STYK1: variants seen among roughly 807,000 people sequenced by gnomAD.
STYK1 encodes the protein STY kinase 1, also known as tyrosine-protein kinase STYK1.
STYK1 carries 46 observed loss-of-function variants against 48.1 expected under a neutral mutation model. That is an observed-to-expected ratio of 0.96 (90% confidence interval 0.75 to 1.22). The LOEUF (loss-of-function observed/expected upper bound fraction) is 1.22. Among genes scored for constraint, STYK1 ranks in the 50% most tolerant of loss-of-function variants. The pLI is 0.00. For missense variants in STYK1, 527 were observed against 521.1 expected (o/e 1.01, Z -0.11); for synonymous variants, 188 against 189.0 (o/e 0.99, Z 0.04).
At chr12:10,635,697 C>CAAGT (rs1947478663) in intron 2 of STYK1, among the ~76,000 whole-genome samples, 1 of 152,186 alleles carries the variant, frequency 6.6e-6, no homozygotes, top group African/African-American at 2.4e-5. Context: ...CAGTCTCCTC[C>CAAGT]AAGTAGACTC....
intron 1 of STYK1, among the ~76,000 whole-genome samples, chr12:10,658,254 T>C (rs1392286503): frequency 1.3e-5 from 2 of 152,230 alleles, no homozygotes; most frequent in African/African-American, 2.4e-5. Flanking sequence ...CTGCTTACGA[T>C]TGAATAGATT....
intron 1 of STYK1, among the ~76,000 whole-genome samples, chr12:10,647,659 A>T (rs1565568551): frequency 6.6e-6 from 1 of 152,190 alleles, no homozygotes; most frequent in Admixed American, 6.5e-5. Context: ...GGGAAGGGCC[A>T]GGAGTAAAAT....
At chr12:10,640,666 T>C (rs1333596457) in intron 1 of STYK1, 1 of 152,222 alleles carries the variant, frequency 6.6e-6, no homozygotes, top group African/African-American at 2.4e-5. Flanking sequence ...TCACTGGTAC[T>C]CACCAAATTA....
chr12:10,667,074 T>A (rs1947841287), intron 1 of STYK1, among the ~76,000 whole-genome samples: 1 of 152,178 alleles, frequency 6.6e-6, no homozygotes, highest in Admixed American at 6.5e-5. Context: ...TTAATTTAGA[T>A]CAATATTCTA....
rs1281553972 is a variant in STYK1 at position 10,621,942 on chromosome 12, G to A, written c.998C>T (p.Thr333Ile). Residue 333 changes from threonine (T) to isoleucine (I), a missense_variant, in exon 10 of 11, where the codon ACC becomes ATC. By Grantham distance (89) the Thr-to-Ile change is moderately conservative. Coordinates refer to ENST00000075503, the MANE Select transcript of STYK1 (RefSeq NM_018423.3). ...GAPPYPEVPP[T>I]SILEHLQRRK... ...TCTTTGGAGATGCTCTAGGATGCTG[G>A]TAGGAGGGACTTCAGGATACGGTGG... 3 of 1,613,778 alleles carry A rather than the reference G, an allele frequency of 1.9e-6. No homozygotes were observed. The highest frequency in any genetic ancestry group is 1.7e-5 in the Admixed American group (1 of 60,000).
intron 2 of STYK1, 39 bp from the exon 3 acceptor site, chr12:10,634,725 G>A (rs2120662819): frequency 5.4e-6 from 7 of 1,302,878 alleles, no homozygotes; most frequent in Admixed American, 4.1e-5. Flanking sequence ...TAAAATGAAT[G>A]AAAAAAAATA....
At chr12:10,660,815 C>T (rs1453750087) in intron 1 of STYK1, among the ~76,000 whole-genome samples, 2 of 152,144 alleles carry the variant, frequency 1.3e-5, no homozygotes, top group Admixed American at 6.5e-5. Flanking sequence ...GGAAGTTACC[C>T]TATATGGTCT....
intron 5 of STYK1, among the ~76,000 whole-genome samples, chr12:10,630,088 A>G (rs977756896): frequency 2.3e-4 from 27 of 117,388 alleles, no homozygotes; most frequent in African/African-American, 8.2e-4. Flanking sequence ...AGAGAGAGAG[A>G]GAGAAATATA....
chr12:10,635,476 G>A (rs1350040805), intron 2 of STYK1, among the ~76,000 whole-genome samples: 2 of 152,058 alleles, frequency 1.3e-5, no homozygotes, highest in Non-Finnish European at 2.9e-5. Flanking sequence ...GAGCTTCAAG[G>A]TGCTTCCTCT....
chr12:10,635,376 T>C (rs987967933), intron 2 of STYK1, among the ~76,000 whole-genome samples: 14 of 152,188 alleles, frequency 9.2e-5, no homozygotes, highest in African/African-American at 2.9e-4. Flanking sequence ...GAGTTACACA[T>C]TTGCTTTGTT....
At chr12:10,656,298 A>G (rs1465240835) in intron 1 of STYK1, among the ~76,000 whole-genome samples, 1 of 151,548 alleles carries the variant, frequency 6.6e-6, no homozygotes, top group Non-Finnish European at 1.5e-5. Flanking sequence ...TAAATTGTCC[A>G]GTCTCAGGTA....
chr12:10,647,785 A>G (rs1198088298), intron 1 of STYK1, among the ~76,000 whole-genome samples: 4 of 152,094 alleles, frequency 2.6e-5, no homozygotes, highest in Admixed American at 2.0e-4. Context: ...TGCTTGTGAG[A>G]GTGAATAAGT....
intron 1 of STYK1, among the ~76,000 whole-genome samples, chr12:10,662,199 G>T (rs1008190078): frequency 6.6e-6 from 1 of 151,966 alleles, no homozygotes; most frequent in Non-Finnish European, 1.5e-5. Flanking sequence ...TGAGAACTTC[G>T]TTCCTTTTTG....
In STYK1 at chr12:10,620,310, G is replaced by A; in HGVS notation, c.1103C>T (p.Ala368Val). ...IMKSCWRWRE[A>V]DRPSPRELRL... ...CAGCTCTCTAGGTGAGGGGCGGTCA[G>A]CCTCACGCCAGCGCCAGCAGGACTT... is the stretch of plus-strand genomic sequence containing the variant. The change falls in exon 11 of 11, where the codon GCT (alanine) becomes GTT (valine). Residue 368 changes from alanine to valine, a missense_variant. Transcript: ENST00000075503. 6.2e-7 allele frequency: 1 copy of A among 1,613,610 alleles called. No individual in the cohort carries two copies. Among genetic ancestry groups the A allele is most frequent in the South Asian group, 1.1e-5 (1 of 91,054 alleles).
Position 10,620,119 on chromosome 12 carries a change from A to G in STYK1, c.*25T>C. ...TGATTCCAAGAACATATACTCATGC[A>G]TGAATGTTTCTTGCCCGAGACTCTT... On this transcript the variant is annotated 3_prime_UTR_variant, in exon 11 of 11. Transcript: ENST00000075503. The G allele has an allele frequency of 6.2e-7, 1 of 1,613,496 alleles. No homozygotes were observed. The highest frequency in any genetic ancestry group is 8.5e-7 in the Non-Finnish European group (1 of 1,179,412).
At chr12:10,666,384 A>G (rs768531577) in intron 1 of STYK1, among the ~76,000 whole-genome samples, 3 of 152,236 alleles carry the variant, frequency 2.0e-5, no homozygotes, top group Non-Finnish European at 4.4e-5. Flanking sequence ...GTAGCATAAT[A>G]TGAATATAAC....
chr12:10,621,387 G>A (rs572251024), intron 10 of STYK1, among the ~76,000 whole-genome samples: 27 of 152,150 alleles, frequency 1.8e-4, no homozygotes, highest in African/African-American at 6.5e-4. Flanking sequence ...CTGAGAGTTG[G>A]AAAAACAGGG....
At chr12:10,648,863 A>C (rs1947629481) in intron 1 of STYK1, among the ~76,000 whole-genome samples, 1 of 152,166 alleles carries the variant, frequency 6.6e-6, no homozygotes, top group South Asian at 2.1e-4. Context: ...CACCACACCC[A>C]GCAGAAAAGA....
At chr12:10,662,609 T>C (rs1279663896) in intron 1 of STYK1, among the ~76,000 whole-genome samples, 1 of 152,208 alleles carries the variant, frequency 6.6e-6, no homozygotes, top group East Asian at 1.9e-4. Context: ...TCCCTGATGA[T>C]AAATAATGCT....
Sources: allele counts gnomAD v4.1 joint callset (sites outside exome capture counted in the v4.1 genomes callset), GRCh38; gene constraint gnomAD v4.1.1; transcripts MANE v1.5; gene names NCBI Gene and HGNC (gene_info 2026-07-23, HGNC 2026-07-21).